MAPK10: variants seen among roughly 807,000 people sequenced by gnomAD.
MAPK10 encodes mitogen-activated protein kinase 10, also known as JNK3 alpha protein kinase.
Under a neutral mutation model 59.3 loss-of-function variants are expected in MAPK10, and 25 were observed. That is an observed-to-expected ratio of 0.42 (90% CI 0.31 to 0.59). MAPK10 has a LOEUF of 0.59. Among genes scored for constraint, MAPK10 ranks in the 20% least tolerant of loss-of-function variants. The probability of loss-of-function intolerance (pLI) is 0.15; values close to 1 mark genes in which losing one functional copy is unlikely to be tolerated. For synonymous variants in MAPK10, 190 were observed against 200.5 expected (o/e 0.95, Z 0.44); for missense variants, 351 against 568.9 (o/e 0.62, Z 3.90).
chr4:86,526,554 A>G (rs1757480797), intron 1 of MAPK10, among the ~76,000 whole-genome samples: 1 of 152,054 alleles, frequency 6.6e-6, no homozygotes, highest in South Asian at 2.1e-4. Context: ...CTTTATATAG[A>G]TTTTAGGTTC....
chr4:86,102,073 A>G, intron 6 of MAPK10, 41 bp from the exon 7 acceptor site: 2 of 1,586,992 alleles, frequency 1.3e-6, no homozygotes, highest in Non-Finnish European at 1.7e-6. Context: ...AGATCACAAG[A>G]TCTATGAAGT....
intron 1 of MAPK10, among the ~76,000 whole-genome samples, chr4:86,581,926 TA>T (rs1404638700): frequency 2.4e-5 from 3 of 127,226 alleles, no homozygotes; most frequent in Non-Finnish European, 5.2e-5. Flanking sequence ...TATATATATA[TA>T]TATATATATA....
rs11942108 is a variant in MAPK10, at chr4:86,240,037, G to A, written c.-6-45630C>T. Among the ~76,000 whole-genome samples, 201 of 152,184 alleles carry A rather than the reference G, an allele frequency of 1.3e-3. 2 individuals carry two copies. Among genetic ancestry groups the A allele is most frequent in the African/African-American group, 4.7e-3 (197 of 41,518 alleles). On this transcript the variant is annotated intron_variant, in intron 2 of 13. Transcript: ENST00000641462. ...GCTTTAGCTGTGCCCCAGAGACTCT[G>A]GTATGTTGTCTCTTTGTTCTCATTG...
intron 1 of MAPK10, among the ~76,000 whole-genome samples, chr4:86,452,112 G>C (rs557278039): frequency 6.6e-6 from 1 of 152,240 alleles, no homozygotes; most frequent in South Asian, 2.1e-4. Flanking sequence ...CAGACTATCT[G>C]GCTCCAGAGT....
chr4:86,200,708 T>A (rs192196703), intron 2 of MAPK10, among the ~76,000 whole-genome samples: 1 of 152,038 alleles, frequency 6.6e-6, no homozygotes, highest in East Asian at 1.9e-4. Flanking sequence ...TGTAATTTTT[T>A]AATATCTAAT....
chr4:86,527,312 CAAAAAAAAAAA>C (rs57390422), intron 1 of MAPK10, among the ~76,000 whole-genome samples: 7 of 16,196 alleles, frequency 4.3e-4, no homozygotes, highest in South Asian at 4.7e-3. Flanking sequence ...ACACTGTTGC[CAAAAAAAAAAA>C]AAAAAAAAAA....
chr4:86,533,884 A>G (rs1758030239), intron 1 of MAPK10, among the ~76,000 whole-genome samples: 1 of 152,310 alleles, frequency 6.6e-6, no homozygotes, highest in South Asian at 2.1e-4. Context: ...AATTGTGAGC[A>G]TGTTTCTCTC....
chr4:86,294,519 C>T (rs2095308033), intron 2 of MAPK10, among the ~76,000 whole-genome samples: 1 of 150,864 alleles, frequency 6.6e-6, no homozygotes, highest in Admixed American at 6.6e-5. Context: ...GAATTGCCCT[C>T]CTACTGTGAA....
chr4:86,444,659 C>T (rs960527563), intron 1 of MAPK10, among the ~76,000 whole-genome samples: 13 of 149,290 alleles, frequency 8.7e-5, no homozygotes, highest in Non-Finnish European at 1.9e-4. Flanking sequence ...AAATATTTTG[C>T]AATCTATCCA....
intron 11 of MAPK10, among the ~76,000 whole-genome samples, chr4:86,037,412 C>T (rs962873895): frequency 7.9e-5 from 12 of 151,680 alleles, no homozygotes; most frequent in Non-Finnish European, 1.2e-4. Context: ...CCCAGCTACT[C>T]GGGAGGCTGA....
At chr4:86,401,845 T>C (rs1329770389) in intron 1 of MAPK10, among the ~76,000 whole-genome samples, 2 of 152,202 alleles carry the variant, frequency 1.3e-5, no homozygotes, top group Non-Finnish European at 2.9e-5. Flanking sequence ...CACTGAAATA[T>C]GTATTTCAGT....
chr4:86,058,846 TG>T (rs747978249), intron 11 of MAPK10, among the ~76,000 whole-genome samples: 23 of 152,274 alleles, frequency 1.5e-4, no homozygotes, highest in Non-Finnish European at 2.8e-4. Flanking sequence ...GATCAAGCTC[TG>T]GAACCTGTTC....
intron 2 of MAPK10, among the ~76,000 whole-genome samples, chr4:86,318,733 C>A (rs2095837165): frequency 6.6e-6 from 1 of 152,116 alleles, no homozygotes; most frequent in Non-Finnish European, 1.5e-5. Flanking sequence ...GATCTAGCCT[C>A]TAGCCACCAG....
At chr4:86,489,238 G>A (rs986400114) in intron 1 of MAPK10, among the ~76,000 whole-genome samples, 1 of 152,146 alleles carries the variant, frequency 6.6e-6, no homozygotes. Context: ...GCTAAATAAT[G>A]ACTGCCATTT....
At chr4:86,019,358 G>A (rs897736249) in intron 13 of MAPK10, among the ~76,000 whole-genome samples, 1 of 152,040 alleles carries the variant, frequency 6.6e-6, no homozygotes, top group Non-Finnish European at 1.5e-5. Context: ...AATGTCTCTA[G>A]AAAAGGTTTT....
chr4:86,541,800 G>T (rs150745624), intron 1 of MAPK10, among the ~76,000 whole-genome samples: 2 of 152,104 alleles, frequency 1.3e-5, no homozygotes, highest in Non-Finnish European at 2.9e-5. Flanking sequence ...CAAAGCCTGG[G>T]TGTTTTTTAT....
rs190191448 is a variant in MAPK10 at position 86,163,511 on chromosome 4, G to C, written c.67-4044C>G. 5.7e-4 allele frequency among the ~76,000 whole-genome samples: 86 copies of C among 152,144 alleles called. 1 individual carries two copies. Among genetic ancestry groups the C allele is most frequent in the African/African-American group, 1.8e-3 (75 of 41,518 alleles). On this transcript the variant is annotated intron_variant, in intron 3 of 13. Coordinates refer to ENST00000641462, the MANE Select transcript of MAPK10 (RefSeq NM_138982.4). Reference sequence around the variant, plus strand: ...TTCCTGAGTTCAAGTCATAGAACAAGACAGCAGATTATTTAAACCTACAAA... The same window carrying C: ...TTCCTGAGTTCAAGTCATAGAACAACACAGCAGATTATTTAAACCTACAAA...
intron 1 of MAPK10, among the ~76,000 whole-genome samples, chr4:86,400,723 G>C (rs769959062): frequency 6.6e-6 from 1 of 152,022 alleles, no homozygotes; most frequent in Admixed American, 6.6e-5. Flanking sequence ...CTGAAAGAAG[G>C]GTTCAATATT....
chr4:86,047,243 G>C (rs1164931133), intron 11 of MAPK10, among the ~76,000 whole-genome samples: 2 of 152,116 alleles, frequency 1.3e-5, no homozygotes, highest in Non-Finnish European at 2.9e-5. Context: ...GGGGGCGGCC[G>C]AAGAGTACTA....
Sources: allele counts gnomAD v4.1 joint callset (sites outside exome capture counted in the v4.1 genomes callset), GRCh38; gene constraint gnomAD v4.1.1; transcripts MANE v1.5; gene names NCBI Gene and HGNC (gene_info 2026-07-23, HGNC 2026-07-21).